The following RHOJ variants were observed in gnomAD, a reference collection of about 807,000 sequenced individuals.
RHOJ encodes ras homolog family member J, also known as rho-related GTP-binding protein RhoJ.
RHOJ carries 11 observed loss-of-function variants against 23.4 expected under a neutral mutation model. The observed-to-expected ratio is 0.47, with a 90% CI of 0.30 to 0.78. The LOEUF (loss-of-function observed/expected upper bound fraction) is 0.78. RHOJ is among the 30% of genes least tolerant of loss of function. RHOJ has a pLI of 0.08. For synonymous variants in RHOJ, 102 were observed against 102.7 expected (o/e 0.99, Z 0.04); for missense variants, 254 against 273.4 (o/e 0.93, Z 0.50).
At chr14:63,290,262 G>T (rs2139671460) in intron 4 of RHOJ, among the ~76,000 whole-genome samples, 1 of 152,204 alleles carries the variant, frequency 6.6e-6, no homozygotes, top group Middle Eastern at 3.4e-3. Context: ...AATAAAGTAT[G>T]TTAAAACTAA....
Position 63,290,894 on chromosome 14 carries a change from A to G in RHOJ, c.515A>G (p.Tyr172Cys), listed in dbSNP as rs779493646. The G allele has an allele frequency of 4.3e-6, 7 of 1,613,274 alleles. No homozygotes were observed. The highest frequency in any genetic ancestry group is 5.1e-6 in the Non-Finnish European group (6 of 1,179,786). The change falls in exon 5 of 5, where the codon TAC (tyrosine) becomes TGC (cysteine). Residue 172 changes from tyrosine to cysteine, a missense_variant. By Grantham distance (194) the Tyr-to-Cys change is radical. Transcript: ENST00000316754. ...GTGTTTAAGATCGGAGCACAGTGCT[A>G]CTTGGAATGTTCAGCTCTGACTCAG... ...KLAKAIGAQC[Y>C]LECSALTQKG... is the part of the protein sequence containing the mutation.
intron 1 of RHOJ, among the ~76,000 whole-genome samples, chr14:63,238,043 T>A (rs905568144): frequency 1.3e-5 from 2 of 152,250 alleles, no homozygotes; most frequent in Non-Finnish European, 2.9e-5. Context: ...AGTTCATCCC[T>A]TGGCCTTGAT....
intron 1 of RHOJ, among the ~76,000 whole-genome samples, chr14:63,257,344 T>A (rs980443144): frequency 6.7e-6 from 1 of 148,910 alleles, no homozygotes; most frequent in Non-Finnish European, 1.5e-5. Flanking sequence ...TCAGGCTGAG[T>A]TGCCCTTCCA....
intron 1 of RHOJ, among the ~76,000 whole-genome samples, chr14:63,207,337 G>C (rs1894135469): frequency 6.6e-6 from 1 of 152,108 alleles, no homozygotes; most frequent in Non-Finnish European, 1.5e-5. Flanking sequence ...ACCAGAAGTG[G>C]TCATTTCTAT....
intron 3 of RHOJ, among the ~76,000 whole-genome samples, chr14:63,281,979 G>C (rs138306387): frequency 2.6e-3 from 393 of 152,220 alleles, no homozygotes; most frequent in African/African-American, 8.9e-3. Context: ...GGAGAGAAAA[G>C]AAAAATATTT....
Position 63,276,210 on chromosome 14 carries a change from T to TG in RHOJ, c.238-4752dup, listed in dbSNP as rs11354682. ...CTCTCCCCCAGTGCCTCAGCTTCGG[T>TG]GGGGGGGGGCGGGGGCTGCGTGGCA... is the stretch of plus-strand genomic sequence containing the variant. On this transcript the variant is annotated intron_variant, in intron 2 of 4. Transcript: ENST00000316754. Among the ~76,000 whole-genome samples the TG allele has an allele frequency of 3.1e-3, 458 of 149,470 alleles. 3 individuals carry two copies. The highest frequency in any genetic ancestry group is 0.021 in the East Asian group (106 of 5,056).
chr14:63,242,768 G>C (rs1373433559), intron 1 of RHOJ, among the ~76,000 whole-genome samples: 2 of 152,094 alleles, frequency 1.3e-5, no homozygotes, highest in Non-Finnish European at 2.9e-5. Flanking sequence ...AAACTCATAA[G>C]CTCTCATCCA....
chr14:63,255,679 A>G (rs753901699), intron 1 of RHOJ, among the ~76,000 whole-genome samples: 2 of 151,640 alleles, frequency 1.3e-5, no homozygotes, highest in Non-Finnish European at 2.9e-5. Context: ...CTCACACTCA[A>G]CTGAAGGGCC....
rs941779465 is a variant in RHOJ, at chr14:63,236,328, C to T, written c.178+31281C>T. On this transcript the variant is annotated intron_variant, in intron 1 of 4. Coordinates refer to ENST00000316754, the MANE Select transcript of RHOJ (RefSeq NM_020663.5). ...AGGTCTGTGTATTAGTCCGTTTTCA[C>T]GCTGCTGATAAAGACATACTTGAGA... Among the ~76,000 whole-genome samples, 24 of 152,092 alleles carry T rather than the reference C, an allele frequency of 1.6e-4. 1 individual carries two copies. The highest frequency in any genetic ancestry group is 2.1e-4 in the South Asian group (1 of 4,836).
chr14:63,238,376 A>G (rs567221852), intron 1 of RHOJ, among the ~76,000 whole-genome samples: 3 of 152,264 alleles, frequency 2.0e-5, no homozygotes, highest in Admixed American at 2.0e-4. Flanking sequence ...CTTTTCAAAG[A>G]TCAGGGTCAG....
chr14:63,238,614 G>T (rs959470438), intron 1 of RHOJ, among the ~76,000 whole-genome samples: 1 of 152,030 alleles, frequency 6.6e-6, no homozygotes, highest in Non-Finnish European at 1.5e-5. Flanking sequence ...TAGAGACAGG[G>T]TCTCACTTTG....
chr14:63,254,775 G>A (rs1566620341), intron 1 of RHOJ, among the ~76,000 whole-genome samples: 1 of 151,966 alleles, frequency 6.6e-6, no homozygotes, highest in Admixed American at 6.6e-5. Flanking sequence ...ATGGTAGACA[G>A]ATGGACAGAT....
chr14:63,287,642 C>T (rs551665079), intron 4 of RHOJ, among the ~76,000 whole-genome samples: 1 of 148,914 alleles, frequency 6.7e-6, no homozygotes, highest in South Asian at 2.1e-4. Flanking sequence ...TTCTGTACAT[C>T]GCTGATAAAT....
At chr14:63,287,932 C>T (rs1882131656) in intron 4 of RHOJ, among the ~76,000 whole-genome samples, 1 of 152,114 alleles carries the variant, frequency 6.6e-6, no homozygotes, top group South Asian at 2.1e-4. Flanking sequence ...TTTTTCATTT[C>T]ACATCTTTGA....
intron 4 of RHOJ, 112 bp from the exon 5 acceptor site, chr14:63,290,766 C>T: frequency 2.1e-6 from 2 of 969,580 alleles, no homozygotes; most frequent in South Asian, 1.8e-5. Flanking sequence ...AACCACCCCA[C>T]AGGCTGTTTG....
chr14:63,250,016 G>A (rs1895041264), intron 1 of RHOJ, among the ~76,000 whole-genome samples: 1 of 152,108 alleles, frequency 6.6e-6, no homozygotes, highest in Non-Finnish European at 1.5e-5. Flanking sequence ...GAAATAGGGG[G>A]AAATGTTCTC....
intron 2 of RHOJ, among the ~76,000 whole-genome samples, chr14:63,277,882 T>G (rs192583780): frequency 1.3e-5 from 2 of 152,010 alleles, no homozygotes; most frequent in Admixed American, 1.3e-4. Context: ...AGGAGGTTTG[T>G]TTTTCAGAGC....
intron 1 of RHOJ, 96 bp from the exon 2 acceptor site, chr14:63,269,014 C>A: frequency 1.2e-6 from 1 of 827,168 alleles, no homozygotes; most frequent in Non-Finnish European, 2.0e-6. Context: ...CTTCTTGCTG[C>A]CCAAGGAGAT....
intron 1 of RHOJ, among the ~76,000 whole-genome samples, chr14:63,255,016 C>G (rs1057454687): frequency 6.6e-6 from 1 of 152,202 alleles, no homozygotes; most frequent in African/African-American, 2.4e-5. Context: ...TCCCTTTACT[C>G]ACGCTCTCAA....
Sources: allele counts gnomAD v4.1 joint callset (sites outside exome capture counted in the v4.1 genomes callset), GRCh38; gene constraint gnomAD v4.1.1; transcripts MANE v1.5; gene names NCBI Gene and HGNC (gene_info 2026-07-23, HGNC 2026-07-21).